Variants in MDFI observed in about 807,000 individuals in gnomAD.
MDFI encodes the protein inhibitor of MyoD family a.
Under a neutral mutation model 22.3 loss-of-function variants are expected in MDFI, and 16 were observed. The observed-to-expected ratio is 0.72, with a 90% confidence interval of 0.49 to 1.09. MDFI has a LOEUF of 1.09. MDFI is among the 50% of genes least tolerant of loss of function. The pLI, the probability that MDFI is intolerant of heterozygous loss-of-function variation, is 0.00. For synonymous variants in MDFI, 145 were observed against 142.7 expected (o/e 1.02, Z -0.12); for missense variants, 314 against 326.1 (o/e 0.96, Z 0.29).
intron 2 of MDFI, chr6:41,639,491 G>T: frequency 1.0e-6 from 1 of 985,382 alleles, no homozygotes; most frequent in Non-Finnish European, 1.2e-6. Context: ...AGCCTCTCAC[G>T]CCAAGTACGG....
Position 41,646,173 on chromosome 6 carries a change from A to T in MDFI, c.124A>T (p.Thr42Ser), listed in dbSNP as rs775578911. 6.3e-7 allele frequency: 1 copy of T among 1,582,264 alleles called. No homozygotes were observed. The highest frequency in any genetic ancestry group is 2.4e-5 in the East Asian group (1 of 42,090). ...LPGLEVVTGS[T>S]HPAEAAPEEG... is the part of the protein sequence containing the mutation. ...TGGGCTGGAGGTAGTAACAGGATCC[A>T]CTCACCCTGCGGAGGCAGCACCAGA... The change falls in exon 3 of 5, where the codon ACT (threonine) becomes TCT (serine). Residue 42 changes from threonine (T) to serine (S), a missense_variant. By Grantham distance (58) the Thr-to-Ser change is moderately conservative (BLOSUM62 1). Transcript: ENST00000230321.
chr6:41,653,252 C>G lies in MDFI; in HGVS notation c.485-67C>G. 6.5e-7 allele frequency: 1 copy of G among 1,547,664 alleles called. No individual in the cohort carries two copies. Among genetic ancestry groups the G allele is most frequent in the Non-Finnish European group, 8.8e-7 (1 of 1,137,440 alleles). On this transcript the variant is annotated intron_variant, in intron 4 of 4. Transcript: ENST00000230321. The surrounding 1 kb of genome is among the most constrained non-coding windows in gnomAD (Gnocchi z 4.2). The stretch of plus-strand genomic sequence containing the variant: ...CCGCTGCCGCAGGCCCCCACACCCC[C>G]GGCTATTTCACACACGCTCATCCCT...
At chr6:41,643,649 T>G (rs1767943736) in intron 2 of MDFI, among the ~76,000 whole-genome samples, 1 of 130,178 alleles carries the variant, frequency 7.7e-6, no homozygotes, top group Non-Finnish European at 1.6e-5. Context: ...AAACTACTCA[T>G]TAAAAAAAAA....
upstream of MDFI, chr6:41,637,141 G>GCC (rs1479421981): frequency 6.6e-6 from 1 of 152,042 alleles, no homozygotes; most frequent in Non-Finnish European, 1.5e-5. This position sits in a 1 kb window ranked among gnomAD's most constrained non-coding sequence, Gnocchi z 6.8. Context: ...TTCTTGTCCC[G>GCC]CCCCACCTTC....
intron 2 of MDFI, chr6:41,639,273 T>C (rs1451756481): frequency 1.0e-6 from 1 of 985,362 alleles, no homozygotes; most frequent in Middle Eastern, 5.2e-4. Context: ...CCGAAAACTT[T>C]TGTCTGCCGC....
At chr6:41,637,768 G>A (rs1277884667), upstream of MDFI, among the ~76,000 whole-genome samples, 4 of 152,098 alleles carry the variant, frequency 2.6e-5, no homozygotes, top group Admixed American at 2.6e-4. This position sits in a 1 kb window ranked among gnomAD's most constrained non-coding sequence, Gnocchi z 6.8. Context: ...GATTCAGTCT[G>A]GATCCCAAAG....
At position 41,653,578 on chromosome 6, in the gene MDFI, CT is replaced by C; in HGVS notation, c.*4del. On this transcript the variant is annotated 3_prime_UTR_variant, in exon 5 of 5. Coordinates refer to ENST00000230321, the MANE Select transcript of MDFI (RefSeq NM_005586.4). The surrounding 1 kb of genome is among the most constrained non-coding windows in gnomAD (Gnocchi z 4.2). ...GTGGGCTCTGCTTCTCCTCCTGAGCCTCTGTCGGGGGCTAAGCCAGCCTGGC... is the reference window on the plus strand; with the variant it reads ...GTGGGCTCTGCTTCTCCTCCTGAGCCCTGTCGGGGGCTAAGCCAGCCTGGC... The C allele has an allele frequency of 2.5e-6, 4 of 1,599,784 alleles. No homozygotes were observed. The African/African-American group carries it at 5.3e-5, about 21-fold the overall frequency.
At chr6:41,650,573 C>T (rs75033084) in intron 4 of MDFI, among the ~76,000 whole-genome samples, 29 of 129,660 alleles carry the variant, frequency 2.2e-4, no homozygotes, top group African/African-American at 8.1e-4. Flanking sequence ...AGTCTTTTTC[C>T]TTTTTTTTTT....
intron 2 of MDFI, among the ~76,000 whole-genome samples, chr6:41,643,323 C>T (rs1382750144): frequency 1.3e-5 from 2 of 152,126 alleles, no homozygotes; most frequent in Non-Finnish European, 2.9e-5. Context: ...GCTAGGTGCC[C>T]GTCTTCTGTG....
chr6:41,643,672 A>G (rs1581831758), intron 2 of MDFI, among the ~76,000 whole-genome samples: 1 of 150,246 alleles, frequency 6.7e-6, no homozygotes, highest in East Asian at 1.9e-4. Flanking sequence ...AGAGAGAGAA[A>G]GGAGGGAGGA....
At chr6:41,652,056 C>T (rs547930431) in intron 4 of MDFI, among the ~76,000 whole-genome samples, 2 of 152,220 alleles carry the variant, frequency 1.3e-5, no homozygotes, top group African/African-American at 2.4e-5. Flanking sequence ...CAGTGGGAGG[C>T]GATGTCCTCT....
chr6:41,647,153 C>T (rs1329683156), intron 3 of MDFI, among the ~76,000 whole-genome samples: 2 of 152,194 alleles, frequency 1.3e-5, no homozygotes, highest in Admixed American at 6.5e-5. Context: ...CACTAGTGCA[C>T]GGCCCTCGGT....
At chr6:41,639,883 C>T in intron 2 of MDFI, 1 of 985,426 alleles carries the variant, frequency 1.0e-6, no homozygotes, top group Non-Finnish European at 1.2e-6. Context: ...GCCTGCCTGC[C>T]TGTTCTAGGA....
intron 2 of MDFI, among the ~76,000 whole-genome samples, chr6:41,643,416 C>G (rs569463177): frequency 1.3e-5 from 2 of 152,222 alleles, no homozygotes; most frequent in Admixed American, 6.5e-5. Flanking sequence ...CTCCCCTAAC[C>G]GAGAACTCCG....
chr6:41,653,679 C>T lies in MDFI; in HGVS notation c.*104C>T. Reference sequence around the variant, plus strand: ...CTGTCACACAAGGCTTGAGAAGCCCCCTCTCCCTGGTCCTCTCCTACCCAC... The same window carrying T: ...CTGTCACACAAGGCTTGAGAAGCCCTCTCTCCCTGGTCCTCTCCTACCCAC... On this transcript the variant is annotated 3_prime_UTR_variant, in exon 5 of 5. Coordinates refer to ENST00000230321, the MANE Select transcript of MDFI (RefSeq NM_005586.4). This position sits in a 1 kb window ranked among gnomAD's most constrained non-coding sequence, Gnocchi z 4.2. The T allele has an allele frequency of 6.9e-7, 1 of 1,446,108 alleles. No individual in the cohort carries two copies. The highest frequency in any genetic ancestry group is 9.4e-7 in the Non-Finnish European group (1 of 1,065,758). The allele number at this position is 1,446,108 out of a possible 1,614,324, so 89.6% of individuals were successfully genotyped here.
intron 2 of MDFI, chr6:41,639,806 C>T (rs1281982223): frequency 1.6e-5 from 16 of 985,350 alleles, no homozygotes; most frequent in Non-Finnish European, 1.6e-5. Context: ...ACACGAACTC[C>T]CTGCCTTGCC....
chr6:41,646,346 G>A (rs1768053192), intron 3 of MDFI, 38 bp downstream of exon 3: 1 of 1,386,376 alleles, frequency 7.2e-7, no homozygotes, highest in Non-Finnish European at 9.4e-7. Context: ...ATGGCAACAT[G>A]TAGGGTTGCA....
At position 41,646,232 on chromosome 6, in the gene MDFI, G is replaced by GC; in HGVS notation, c.187dup (p.Gln63ProfsTer15). ...CCCTGGAGGAGGCGGCAACCCCCAT[G>GC]CCCCAAGGCAATGGCCCTGGCATCC... On this transcript the variant is annotated frameshift_variant, in exon 3 of 5. Transcript: ENST00000230321. LOFTEE classifies it high-confidence loss of function. 3 of 1,589,092 alleles carry GC rather than the reference G, an allele frequency of 1.9e-6. No homozygotes were observed. The highest frequency in any genetic ancestry group is 1.7e-6 in the Non-Finnish European group (2 of 1,168,210).
chr6:41,652,380 G>T (rs1409556168), intron 4 of MDFI, among the ~76,000 whole-genome samples: 1 of 152,210 alleles, frequency 6.6e-6, no homozygotes, highest in Non-Finnish European at 1.5e-5. Context: ...CCACTTCAAA[G>T]ATTTCAGCTT....
Sources: gnomAD v4.1 joint callset for allele counts (sites outside exome capture counted in the v4.1 genomes callset) on GRCh38, gnomAD v4.1.1 for gene constraint, Gnocchi (gnomAD v3.1) non-coding constraint, MANE v1.5 for transcripts, NCBI Gene and HGNC (gene_info 2026-07-23, HGNC 2026-07-21) for gene names.